TMEM70: variants seen among roughly 807,000 people sequenced by gnomAD.
TMEM70 encodes the protein transmembrane protein 70, mitochondrial.
Under a neutral mutation model 20.5 loss-of-function variants are expected in TMEM70, and 15 were observed. That is an observed-to-expected ratio of 0.73 (90% confidence interval 0.49 to 1.13). The LOEUF (loss-of-function observed/expected upper bound fraction) is 1.13. TMEM70 is among the 50% of genes most tolerant of loss of function. The pLI is 0.00. For synonymous variants in TMEM70, 141 were observed against 134.2 expected (o/e 1.05, Z -0.35); for missense variants, 344 against 331.7 (o/e 1.04, Z -0.29).
In TMEM70 at chr8:73,978,833, T is replaced by C. The variant is rs1263076616; in HGVS notation, c.288T>C (p.Tyr96=). The C allele has an allele frequency of 1.9e-6, 3 of 1,614,188 alleles. No individual in the cohort carries two copies. In the African/African-American group the frequency reaches 4.0e-5, roughly 22 times the overall value. ...AATCAGAAGATGGAAGGCTAATTTA[T>C]ACTGGCAATATGGCCCGAGCAGTGT... ...SDKSEDGRLI[Y]TGNMARAVFG... Residue 96 remains tyrosine (Y), a synonymous_variant, in exon 2 of 3, where the codon TAT becomes TAC. Transcript: ENST00000312184.
Position 73,982,335 on chromosome 8 carries a change from G to A in TMEM70, c.*714G>A, listed in dbSNP as rs116019026. On this transcript the variant is annotated 3_prime_UTR_variant, in exon 3 of 3. Transcript: ENST00000312184. ...ACTACAAGAAAAACTTACGGTGAAG[G>A]TTCTAAGGCATGGGATCGTTTCCAG... 1,250 of 682,186 alleles carry A rather than the reference G, an allele frequency of 1.8e-3. 6 individuals are homozygous for A. Among genetic ancestry groups the A allele is most frequent in the African/African-American group, 0.016 (915 of 57,460 alleles). The allele number at this position is 682,186 out of a possible 1,614,324, so 42.3% of individuals were successfully genotyped here.
intron 2 of TMEM70, among the ~76,000 whole-genome samples, chr8:73,980,527 C>T (rs1183863853): frequency 6.6e-6 from 1 of 151,988 alleles, no homozygotes; most frequent in East Asian, 1.9e-4. Context: ...CCACCATGCC[C>T]AGCTAATTTT....
chr8:73,976,912 C>T (rs1021096025), intron 1 of TMEM70, among the ~76,000 whole-genome samples: 1 of 152,204 alleles, frequency 6.6e-6, no homozygotes, highest in East Asian at 1.9e-4. Flanking sequence ...ACTTTGGTCC[C>T]TGGGAAAAGG....
In TMEM70 at chr8:73,982,198, C is replaced by G. The variant is rs771137774; in HGVS notation, c.*577C>G. On this transcript the variant is annotated 3_prime_UTR_variant, in exon 3 of 3. Transcript: ENST00000312184. ...ATTCACCGAATTCATATCACTCTAA[C>G]GAGTTGCAACGTAAAATCCCTGGAT... 1.8e-6 allele frequency: 1 copy of G among 555,586 alleles called. No homozygotes were observed. The highest frequency in any genetic ancestry group is 1.4e-5 in the South Asian group (1 of 72,368). 34.4% of individuals were successfully genotyped at this position (555,586 alleles called of 1,614,324 possible).
chr8:73,978,336 C>A (rs1815703921), intron 1 of TMEM70, among the ~76,000 whole-genome samples: 1 of 151,254 alleles, frequency 6.6e-6, no homozygotes, highest in South Asian at 2.1e-4. Context: ...ATCCGCCCCC[C>A]TCGGCCTCCC....
At chr8:73,980,554 A>G (rs1027036712) in intron 2 of TMEM70, among the ~76,000 whole-genome samples, 8 of 151,942 alleles carry the variant, frequency 5.3e-5, no homozygotes, top group African/African-American at 1.9e-4. Flanking sequence ...GTTAGTAGAG[A>G]TGGGAGTTTC....
At chr8:73,980,119 G>A (rs1272397122) in intron 2 of TMEM70, among the ~76,000 whole-genome samples, 2 of 151,888 alleles carry the variant, frequency 1.3e-5, no homozygotes, top group Admixed American at 1.3e-4. Flanking sequence ...ACGGAGTTTT[G>A]CTCTTGTTGC....
At position 73,982,410 on chromosome 8, in the gene TMEM70, A is replaced by G; in HGVS notation, c.*789A>G. 1.3e-6 allele frequency: 1 copy of G among 799,206 alleles called. No homozygotes were observed. Among genetic ancestry groups the G allele is most frequent in the Non-Finnish European group, 2.1e-6 (1 of 471,916 alleles). 49.5% of individuals were successfully genotyped at this position (799,206 alleles called of 1,614,324 possible). ...GACTTGCGCAGTCCTCAGATAGTTA[A>G]GCAGATTACTTCCATCAGTATTGAG... is the stretch of plus-strand genomic sequence containing the variant. On this transcript the variant is annotated 3_prime_UTR_variant, in exon 3 of 3. Transcript: ENST00000312184.
intron 2 of TMEM70, among the ~76,000 whole-genome samples, chr8:73,980,195 TCTC>T (rs1161858171): frequency 6.6e-6 from 1 of 152,146 alleles, no homozygotes; most frequent in African/African-American, 2.4e-5. Flanking sequence ...TTCAAGCAAT[TCTC>T]CTGCCTCAGC....
In TMEM70 at chr8:73,981,392, A is replaced by G. The variant is rs952309136; in HGVS notation, c.554A>G (p.Asn185Ser). ...TTDTYKAITY[N>S]AMLAETSTVF... ...GACACTTATAAAGCCATTACCTACA[A>G]TGCTATGCTTGCAGAAACGAGTACA... The change falls in exon 3 of 3, where the codon AAT (asparagine) becomes AGT (serine). Residue 185 changes from asparagine to serine, a missense_variant. Coordinates refer to ENST00000312184, the MANE Select transcript of TMEM70 (RefSeq NM_017866.6). 6 of 1,614,094 alleles carry G rather than the reference A, an allele frequency of 3.7e-6. No individual in the cohort carries two copies. The highest frequency in any genetic ancestry group is 4.5e-5 in the East Asian group (2 of 44,892).
chr8:73,980,515 T>A (rs1815765554), intron 2 of TMEM70, among the ~76,000 whole-genome samples: 1 of 151,994 alleles, frequency 6.6e-6, no homozygotes, highest in Non-Finnish European at 1.5e-5. Context: ...TACAAGCACT[T>A]GCCACCATGC....
rs1451652631 is a variant in TMEM70 at position 73,982,039 on chromosome 8, C to A, written c.*418C>A. 1 of 465,536 alleles carries A rather than the reference C, an allele frequency of 2.1e-6. No homozygotes were observed. 28.8% of individuals were successfully genotyped at this position (465,536 alleles called of 1,614,324 possible). A position where few individuals can be genotyped will look rare whatever the true frequency, so the allele number is the denominator to read the frequency against. On this transcript the variant is annotated 3_prime_UTR_variant, in exon 3 of 3. Coordinates refer to ENST00000312184, the MANE Select transcript of TMEM70 (RefSeq NM_017866.6). ...TAGGTGGTGCGGAGCTGTGGTCCAC[C>A]TGCTCCTGCTCCTGACTCACTGCTC...
chr8:73,978,703 A>C (rs1410011424), intron 1 of TMEM70, 53 bp from the exon 2 acceptor site: 11 of 1,598,256 alleles, frequency 6.9e-6, no homozygotes, highest in Non-Finnish European at 6.0e-6. Flanking sequence ...AAAAAAAAAA[A>C]CTTAAAAAAA....
chr8:73,982,247 A>G lies in TMEM70; in HGVS notation c.*626A>G. On this transcript the variant is annotated 3_prime_UTR_variant, in exon 3 of 3. Transcript: ENST00000312184. Reference sequence around the variant, plus strand: ...ATAAGGTGTGTGCTGACTTGATCTGAGGAGCAAAGGAAAAGAATCAGTGAA... The same window carrying G: ...ATAAGGTGTGTGCTGACTTGATCTGGGGAGCAAAGGAAAAGAATCAGTGAA... 1 of 586,482 alleles carries G rather than the reference A, an allele frequency of 1.7e-6. No homozygotes were observed. The highest frequency in any genetic ancestry group is 4.2e-5 in the East Asian group (1 of 23,930). 36.3% of individuals were successfully genotyped at this position (586,482 alleles called of 1,614,324 possible). A position where few individuals can be genotyped will look rare whatever the true frequency, so the allele number is the denominator to read the frequency against.
chr8:73,978,835 C>T lies in TMEM70; in HGVS notation c.290C>T (p.Thr97Ile), dbSNP rs768524030. The change falls in exon 2 of 3, where the codon ACT becomes ATT. Residue 97 changes from threonine to isoleucine, a missense_variant. Thr to Ile is a moderately conservative substitution (Grantham distance 89). Coordinates refer to ENST00000312184, the MANE Select transcript of TMEM70 (RefSeq NM_017866.6). ...TCAGAAGATGGAAGGCTAATTTATACTGGCAATATGGCCCGAGCAGTGTTT... is the reference window on the plus strand; with the variant it reads ...TCAGAAGATGGAAGGCTAATTTATATTGGCAATATGGCCCGAGCAGTGTTT... ...DKSEDGRLIY[T>I]GNMARAVFGV... is the part of the protein sequence containing the mutation. 5 of 1,614,128 alleles carry T rather than the reference C, an allele frequency of 3.1e-6. No homozygotes were observed. In the South Asian group the frequency reaches 3.3e-5, roughly 11 times the overall value.
At chr8:73,977,290 T>G (rs899330189) in intron 1 of TMEM70, among the ~76,000 whole-genome samples, 2 of 152,192 alleles carry the variant, frequency 1.3e-5, no homozygotes, top group Non-Finnish European at 2.9e-5. Context: ...CAAGCGATTC[T>G]CCTGCCTCAG....
In TMEM70 at chr8:73,981,531, C is replaced by G. The variant is rs1433128227; in HGVS notation, c.693C>G (p.Asp231Glu). Residue 231 changes from aspartate to glutamate, a missense_variant, in exon 3 of 3, where the codon GAC becomes GAG. Transcript: ENST00000312184. ...CAGTGCTCTTTCCAAACCGTGAAGA[C>G]TATATCCATCTAATGGGTTATGACA... is the stretch of plus-strand genomic sequence containing the variant. ...VNPVLFPNREDYIHLMGYDKE... is the reference protein window; with the variant it reads ...VNPVLFPNREEYIHLMGYDKE... 4 of 1,613,634 alleles carry G rather than the reference C, an allele frequency of 2.5e-6. No individual in the cohort carries two copies. The highest frequency in any genetic ancestry group is 3.4e-6 in the Non-Finnish European group (4 of 1,179,800).
chr8:73,976,543 G>C, intron 1 of TMEM70, 52 bp downstream of exon 1: 1 of 1,454,284 alleles, frequency 6.9e-7, no homozygotes, highest in Non-Finnish European at 9.1e-7. Context: ...GGCGGGCGTC[G>C]TGTCGGGCCT....
intron 2 of TMEM70, among the ~76,000 whole-genome samples, chr8:73,980,074 G>T (rs1168428908): frequency 6.6e-6 from 1 of 151,666 alleles, no homozygotes; most frequent in Non-Finnish European, 1.5e-5. Context: ...GTATCTCAGT[G>T]TTTTTTTTGT....
Sources: gnomAD v4.1 joint callset for allele counts (sites outside exome capture counted in the v4.1 genomes callset) on GRCh38, gnomAD v4.1.1 for gene constraint, MANE v1.5 for transcripts, NCBI Gene and HGNC (gene_info 2026-07-23, HGNC 2026-07-21) for gene names.